BCL2: variants seen among roughly 807,000 people sequenced by gnomAD.
BCL2 encodes apoptosis regulator Bcl-2.
In BCL2, 1 loss-of-function variant was observed where a neutral mutation model predicts 14.2. That is an observed-to-expected ratio of 0.07 (90% CI 0.02 to 0.33). BCL2 has a LOEUF of 0.33. Among genes scored for constraint, BCL2 ranks in the 10% least tolerant of loss-of-function variants. The pLI is 0.99. For missense variants in BCL2, 247 were observed against 305.9 expected (o/e 0.81, Z 1.44); for synonymous variants, 151 against 137.2 (o/e 1.10, Z -0.70).
intron 2 of BCL2, among the ~76,000 whole-genome samples, chr18:63,200,192 C>T (rs890267427): frequency 4.6e-5 from 7 of 152,168 alleles, no homozygotes; most frequent in South Asian, 2.1e-4. Context: ...ATACCACTAC[C>T]GGTATTCTTA....
At chr18:63,206,551 AG>A (rs1909842444) in intron 2 of BCL2, among the ~76,000 whole-genome samples, 1 of 152,188 alleles carries the variant, frequency 6.6e-6, no homozygotes, top group Non-Finnish European at 1.5e-5. Context: ...CCACATTTGG[AG>A]TCCCTGTGAG....
At chr18:63,316,565 C>G (rs1489862800) in intron 2 of BCL2, 2 of 152,090 alleles carry the variant, frequency 1.3e-5, no homozygotes, top group Non-Finnish European at 2.9e-5. Context: ...ACAAACAATT[C>G]AAGAAGAGGA....
In BCL2 at chr18:63,123,581, A is replaced by G. The variant is rs1051928178; in HGVS notation, c.*5044T>C. On this transcript the variant is annotated 3_prime_UTR_variant, in exon 3 of 3. Transcript: ENST00000333681. ...AAAAGTATCAATCTTAAAAAGAGCC[A>G]TGGAAGGTAAAAGTATGAAAATCTT... 9.5e-6 allele frequency: 2 copies of G among 209,618 alleles called. No individual in the cohort carries two copies. The highest frequency in any genetic ancestry group is 1.9e-5 in the Non-Finnish European group (2 of 103,182). 13.0% of individuals were successfully genotyped at this position (209,618 alleles called of 1,614,324 possible).
chr18:63,190,764 C>T (rs553392047), intron 2 of BCL2, among the ~76,000 whole-genome samples: 7 of 152,122 alleles, frequency 4.6e-5, no homozygotes, highest in African/African-American at 9.6e-5. Flanking sequence ...CATAGGTAAA[C>T]GTGTGCCATG....
At chr18:63,289,944 A>C (rs937663954) in intron 2 of BCL2, among the ~76,000 whole-genome samples, 5 of 152,188 alleles carry the variant, frequency 3.3e-5, no homozygotes, top group Admixed American at 1.3e-4. Flanking sequence ...ACAAAGTATA[A>C]GATAAACTGG....
intron 2 of BCL2, among the ~76,000 whole-genome samples, chr18:63,214,947 G>A (rs951223474): frequency 6.6e-6 from 1 of 152,072 alleles, no homozygotes; most frequent in African/African-American, 2.4e-5. Context: ...GACCTCAAGT[G>A]ACCCACCTGC....
intron 2 of BCL2, among the ~76,000 whole-genome samples, chr18:63,283,429 T>C (rs551480053): frequency 9.8e-5 from 15 of 152,308 alleles, no homozygotes. Flanking sequence ...GGAGGTACCG[T>C]CTTTTCCTGC....
intron 2 of BCL2, among the ~76,000 whole-genome samples, chr18:63,144,164 A>G (rs1914446500): frequency 6.6e-6 from 1 of 152,210 alleles, no homozygotes; most frequent in South Asian, 2.1e-4. Flanking sequence ...AACTTTGGAT[A>G]GCTCGTTTTA....
rs898168667 is a variant in BCL2, at chr18:63,124,231, T to A, written c.*4394A>T. 7 of 222,920 alleles carry A rather than the reference T, an allele frequency of 3.1e-5. No individual in the cohort carries two copies. Among genetic ancestry groups the A allele is most frequent in the Admixed American group, 5.7e-5 (1 of 17,442 alleles). 13.8% of individuals were successfully genotyped at this position (222,920 alleles called of 1,614,324 possible). A position where few individuals can be genotyped will look rare whatever the true frequency, so the allele number is the denominator to read the frequency against. On this transcript the variant is annotated 3_prime_UTR_variant, in exon 3 of 3. Transcript: ENST00000333681. The stretch of plus-strand genomic sequence containing the variant: ...TTTCACATTGCTTAATTTTATAAAA[T>A]TTTTTTCTGTATTGTACATAATAAA...
intron 2 of BCL2, among the ~76,000 whole-genome samples, chr18:63,231,250 A>T (rs377419843): frequency 1.3e-5 from 2 of 152,104 alleles, no homozygotes; most frequent in Non-Finnish European, 1.5e-5. Flanking sequence ...AGTTTCTCCT[A>T]AGAACCTACA....
At chr18:63,262,964 C>T (rs571000358) in intron 2 of BCL2, among the ~76,000 whole-genome samples, 23 of 152,318 alleles carry the variant, frequency 1.5e-4, no homozygotes, top group African/African-American at 5.3e-4. Flanking sequence ...TCCTACTGCA[C>T]ATTTTGTTTC....
At chr18:63,254,178 T>G (rs1298360483) in intron 2 of BCL2, among the ~76,000 whole-genome samples, 1 of 151,848 alleles carries the variant, frequency 6.6e-6, no homozygotes, top group Non-Finnish European at 1.5e-5. Flanking sequence ...AGATGCCTGG[T>G]GGCTTTTCTG....
rs1599310486 is a variant in BCL2 at position 63,318,039 on chromosome 18, A to G, written c.585+43T>C. ...CCGCACTCCAACCCCCGCATCTCGG[A>G]CCTGTGGCCTCAGCCCAGACTCACA... On this transcript the variant is annotated intron_variant, in intron 2 of 2. Transcript: ENST00000333681. This position sits in a 1 kb window ranked among gnomAD's most constrained non-coding sequence, Gnocchi z 7.4. 1 of 1,600,932 alleles carries G rather than the reference A, an allele frequency of 6.2e-7. No homozygotes were observed. The highest frequency in any genetic ancestry group is 8.5e-7 in the Non-Finnish European group (1 of 1,171,436).
At position 63,127,812 on chromosome 18, in the gene BCL2, C is replaced by A. The variant is rs1913950473; in HGVS notation, c.*813G>T. 1.3e-5 allele frequency: 3 copies of A among 225,338 alleles called. No individual in the cohort carries two copies. The East Asian group carries it at 1.9e-4, about 14-fold the overall frequency. 14.0% of individuals were successfully genotyped at this position (225,338 alleles called of 1,614,324 possible). A position where few individuals can be genotyped will look rare whatever the true frequency, so the allele number is the denominator to read the frequency against. ...GTATTGGGAGTTGGGGGGTGCGTAT[C>A]CAAAATATATGAATATACACAATCA... On this transcript the variant is annotated 3_prime_UTR_variant, in exon 3 of 3. Coordinates refer to ENST00000333681, the MANE Select transcript of BCL2 (RefSeq NM_000633.3).
At chr18:63,302,263 T>G (rs1599300674) in intron 2 of BCL2, 1 of 879,946 alleles carries the variant, frequency 1.1e-6, no homozygotes, top group Non-Finnish European at 1.4e-6. Context: ...ACTGCACCAC[T>G]GCACTCCAGC....
At chr18:63,139,816 T>C (rs62100176) in intron 2 of BCL2, among the ~76,000 whole-genome samples, 37,360 of 152,176 alleles carry the variant, frequency 0.25, 5,036 homozygotes, top group Non-Finnish European at 0.31. Flanking sequence ...CTCAGCCCTC[T>C]CTTGTTTTGG....
chr18:63,296,737 G>A (rs1315009884), intron 2 of BCL2, among the ~76,000 whole-genome samples: 1 of 152,186 alleles, frequency 6.6e-6, no homozygotes, highest in East Asian at 1.9e-4. Context: ...CTGACAATGG[G>A]AGCCACAAGA....
At chr18:63,231,247 C>G (rs369018632) in intron 2 of BCL2, among the ~76,000 whole-genome samples, 102 of 151,868 alleles carry the variant, frequency 6.7e-4, no homozygotes, top group African/African-American at 2.2e-3. Context: ...GGAAGTTTCT[C>G]CTAAGAACCT....
chr18:63,244,380 A>AAACAAC (rs1240833118), intron 2 of BCL2, among the ~76,000 whole-genome samples: 1 of 151,418 alleles, frequency 6.6e-6, no homozygotes, highest in East Asian at 1.9e-4. Context: ...TCTGTCTCAA[A>AAACAAC]AACAACAACA....
Sources: allele counts gnomAD v4.1 joint callset (sites outside exome capture counted in the v4.1 genomes callset), GRCh38; gene constraint gnomAD v4.1.1; non-coding constraint Gnocchi (gnomAD v3.1); transcripts MANE v1.5; gene names NCBI Gene and HGNC (gene_info 2026-07-23, HGNC 2026-07-21).